PTPN13: variants seen among roughly 807,000 people sequenced by gnomAD.
PTPN13 encodes the protein tyrosine-protein phosphatase non-receptor type 13.
A neutral mutation model predicts 284.0 loss-of-function variants in PTPN13; 191 were observed. The observed-to-expected ratio is 0.67, with a 90% CI of 0.60 to 0.76. The LOEUF (loss-of-function observed/expected upper bound fraction) is 0.76, where lower values mean the gene tolerates loss of function less well. PTPN13 is among the 30% of genes least tolerant of loss of function. The pLI, the probability that PTPN13 is intolerant of heterozygous loss-of-function variation, is 0.00. For synonymous variants in PTPN13, 986 were observed against 1,022.3 expected (o/e 0.96, Z 0.68); for missense variants, 2,797 against 2,939.9 (o/e 0.95, Z 1.12).
rs192769066 is a variant in PTPN13, at chr4:86,622,794, C to T, written c.-5-12458C>T. ...AAATTTCAGGGCTTTAAAATACAAT[C>T]TATATGTTGACTATTCTAAATGTTT... On this transcript the variant is annotated intron_variant, in intron 1 of 47. Coordinates refer to ENST00000411767, the MANE Select transcript of PTPN13 (RefSeq NM_080683.3). 6.6e-5 allele frequency among the ~76,000 whole-genome samples: 10 copies of T among 152,266 alleles called. No homozygotes were observed. In the East Asian group the frequency reaches 1.9e-3, roughly 29 times the overall value.
Position 86,772,963 on chromosome 4 carries a change from G to A in PTPN13, c.5349+5G>A. The stretch of plus-strand genomic sequence containing the variant: ...CACCTTGAAGACTTTGAACTGGTAA[G>A]TTGTTTTCTCTATATTTAAAAAAAA... On this transcript the variant is annotated splice_donor_5th_base_variant and intron_variant, in intron 32 of 47. Transcript: ENST00000411767. The A allele has an allele frequency of 1.9e-6, 3 of 1,545,272 alleles. No individual in the cohort carries two copies. Among genetic ancestry groups the A allele is most frequent in the Admixed American group, 2.1e-5 (1 of 48,576 alleles).
chr4:86,799,380 C>T (rs1214126126), intron 42 of PTPN13, among the ~76,000 whole-genome samples, 176 bp downstream of exon 42: 1 of 119,986 alleles, frequency 8.3e-6, no homozygotes, highest in African/African-American at 3.1e-5. Context: ...GATCTCGGCT[C>T]ACTACAACCA....
chr4:86,724,081 T>A (rs1187601501), intron 10 of PTPN13, among the ~76,000 whole-genome samples: 1 of 152,184 alleles, frequency 6.6e-6, no homozygotes. Context: ...TTATATGACT[T>A]TATGTAAATT....
chr4:86,751,817 T>C (rs1351998670), intron 19 of PTPN13, among the ~76,000 whole-genome samples: 9 of 151,804 alleles, frequency 5.9e-5, no homozygotes, highest in Non-Finnish European at 1.2e-4. Context: ...CCTTAGATAA[T>C]TTTATGAAAT....
intron 9 of PTPN13, among the ~76,000 whole-genome samples, chr4:86,720,907 G>A (rs956786577): frequency 1.1e-4 from 17 of 152,046 alleles, no homozygotes; most frequent in South Asian, 6.2e-4. Context: ...TATCAAAAGC[G>A]TCTTTCAGTG....
intron 27 of PTPN13, 66 bp downstream of exon 27, chr4:86,766,583 C>G: frequency 1.7e-6 from 2 of 1,148,378 alleles, no homozygotes; most frequent in Non-Finnish European, 1.2e-6. Context: ...TGAATAACAT[C>G]AGTTCTCATT....
intron 37 of PTPN13, 26 bp downstream of exon 37, chr4:86,782,288 TG>T: frequency 6.5e-7 from 1 of 1,547,790 alleles, no homozygotes; most frequent in South Asian, 1.1e-5. Context: ...CCCTCTTTCA[TG>T]TCATACCTCC....
intron 7 of PTPN13, among the ~76,000 whole-genome samples, chr4:86,713,576 T>C (rs779644177): frequency 5.3e-5 from 8 of 152,132 alleles, no homozygotes; most frequent in Non-Finnish European, 1.0e-4. Flanking sequence ...TTTTCAATTC[T>C]AAAACTCAAT....
intron 25 of PTPN13, 23 bp from the exon 26 acceptor site, chr4:86,765,369 ATAT>A: frequency 6.5e-7 from 1 of 1,546,036 alleles, no homozygotes; most frequent in Non-Finnish European, 8.8e-7. Context: ...ATGTTATAAA[ATAT>A]TATTTTGTCT....
chr4:86,775,932 T>A (rs1740581974), intron 35 of PTPN13, among the ~76,000 whole-genome samples: 1 of 151,448 alleles, frequency 6.6e-6, no homozygotes, highest in Admixed American at 6.6e-5. Flanking sequence ...TTATTGGGAG[T>A]TTTTTTGTTT....
rs759508693 is a variant in PTPN13, at chr4:86,680,349, CTAT to C, written c.295-6360_295-6358del. ...GTCACATTTTCCTTTCTATCTATCTCTATCTATCTATCTATCTATCTATCTATC... is the reference window on the plus strand; with the variant it reads ...GTCACATTTTCCTTTCTATCTATCTCCTATCTATCTATCTATCTATCTATC... On this transcript the variant is annotated intron_variant, in intron 3 of 47. Transcript: ENST00000411767. Among the ~76,000 whole-genome samples the C allele has an allele frequency of 1.5e-4, 7 of 47,304 alleles. No individual in the cohort carries two copies. In the South Asian group the frequency reaches 4.0e-3, roughly 27 times the overall value. The allele number at this position is 47,304 out of a possible 152,430, so 31.0% of individuals were successfully genotyped here. A position where few individuals can be genotyped will look rare whatever the true frequency, so the allele number is the denominator to read the frequency against.
chr4:86,609,772 C>T (rs1199195743), intron 1 of PTPN13, among the ~76,000 whole-genome samples: 2 of 151,966 alleles, frequency 1.3e-5, no homozygotes, highest in Admixed American at 1.3e-4. Context: ...CTTAGCAGTA[C>T]TAATTTTATG....
intron 15 of PTPN13, among the ~76,000 whole-genome samples, chr4:86,740,868 C>T (rs1338607756): frequency 6.6e-5 from 10 of 151,902 alleles, no homozygotes; most frequent in Non-Finnish European, 2.9e-5. Flanking sequence ...GTTGAAAGTT[C>T]CACAAATCTC....
chr4:86,789,280 A>G (rs1285125574), intron 40 of PTPN13, among the ~76,000 whole-genome samples: 1 of 152,144 alleles, frequency 6.6e-6, no homozygotes, highest in African/African-American at 2.4e-5. Flanking sequence ...TTCTTCAAAC[A>G]TTGTCTTCTT....
At chr4:86,632,175 T>C (rs972415660) in intron 1 of PTPN13, among the ~76,000 whole-genome samples, 9 of 152,154 alleles carry the variant, frequency 5.9e-5, no homozygotes, top group African/African-American at 1.9e-4. Context: ...TAAAAGTACC[T>C]AGTCAGTATA....
At chr4:86,757,761 T>TAAAAAA (rs1382314002) in intron 20 of PTPN13, among the ~76,000 whole-genome samples, 1 of 110,944 alleles carries the variant, frequency 9.0e-6, no homozygotes, top group African/African-American at 4.0e-5. Flanking sequence ...AGACTCTGTC[T>TAAAAAA]CAAAAAAAAA....
At chr4:86,767,373 G>A (rs537720895) in intron 27 of PTPN13, among the ~76,000 whole-genome samples, 2 of 151,750 alleles carry the variant, frequency 1.3e-5, no homozygotes, top group East Asian at 3.9e-4. Flanking sequence ...GGCCTGTCAA[G>A]TAGCTGGGAT....
intron 10 of PTPN13, among the ~76,000 whole-genome samples, chr4:86,731,121 T>G (rs1463632220): frequency 1.3e-5 from 2 of 152,170 alleles, no homozygotes; most frequent in East Asian, 3.9e-4. Flanking sequence ...TACAACCAAA[T>G]GCAAAGAAGA....
chr4:86,734,220 G>C (rs1364785243), intron 12 of PTPN13, 83 bp from the exon 13 acceptor site: 2 of 1,130,898 alleles, frequency 1.8e-6, no homozygotes, highest in South Asian at 1.9e-5. Flanking sequence ...TTTTATGCAA[G>C]TCTGACCAAA....
Sources: allele counts gnomAD v4.1 joint callset (sites outside exome capture counted in the v4.1 genomes callset), GRCh38; gene constraint gnomAD v4.1.1; transcripts MANE v1.5; gene names NCBI Gene and HGNC (gene_info 2026-07-23, HGNC 2026-07-21).